The following PLXNC1 variants were observed in gnomAD, a reference collection of about 807,000 sequenced individuals.
PLXNC1 encodes plexin-C1.
Under a neutral mutation model 178.2 loss-of-function variants are expected in PLXNC1, and 75 were observed. That is an observed-to-expected ratio of 0.42 (90% CI 0.35 to 0.51). The LOEUF (loss-of-function observed/expected upper bound fraction) is 0.51. PLXNC1 is among the 20% of genes least tolerant of loss of function. The pLI is 0.02. For synonymous variants in PLXNC1, 790 were observed against 779.9 expected (o/e 1.01, Z -0.22); for missense variants, 1,503 against 1,984.4 (o/e 0.76, Z 4.61).
intron 3 of PLXNC1, among the ~76,000 whole-genome samples, chr12:94,182,600 C>T (rs1962350398): frequency 6.6e-6 from 1 of 151,570 alleles, no homozygotes; most frequent in Non-Finnish European, 1.5e-5. Flanking sequence ...TGGTGCATGC[C>T]TGTAATCCCA....
At chr12:94,299,041 C>CTA (rs2136221208) in intron 27 of PLXNC1, among the ~76,000 whole-genome samples, 1 of 152,208 alleles carries the variant, frequency 6.6e-6, no homozygotes, top group African/African-American at 2.4e-5. Flanking sequence ...GATACTTTGT[C>CTA]TAGAATGTTA....
At chr12:94,214,049 T>G (rs1177359500) in intron 5 of PLXNC1, among the ~76,000 whole-genome samples, 1 of 151,660 alleles carries the variant, frequency 6.6e-6, no homozygotes, top group Non-Finnish European at 1.5e-5. Flanking sequence ...ATAAAAGTAT[T>G]CCTTAAACAA....
At chr12:94,241,989 AG>A (rs63127962) in intron 11 of PLXNC1, among the ~76,000 whole-genome samples, 21,355 of 146,886 alleles carry the variant, frequency 0.15, 1,586 homozygotes, top group Middle Eastern at 0.19. Flanking sequence ...AAAAAAAAAA[AG>A]AAGAAGAAGA....
intron 21 of PLXNC1, among the ~76,000 whole-genome samples, chr12:94,275,942 G>A (rs1254472318): frequency 6.7e-6 from 1 of 149,702 alleles, no homozygotes; most frequent in East Asian, 2.0e-4. Context: ...ATCAATTTAT[G>A]TCTGAATTTA....
intron 8 of PLXNC1, 38 bp downstream of exon 8, chr12:94,226,745 C>A: frequency 1.4e-6 from 2 of 1,423,146 alleles, no homozygotes; most frequent in South Asian, 1.1e-5. Flanking sequence ...TCTTAACCGC[C>A]GGGCATGGTG....
intron 23 of PLXNC1, among the ~76,000 whole-genome samples, chr12:94,293,005 T>G (rs964374285): frequency 2.0e-5 from 3 of 152,230 alleles, no homozygotes; most frequent in African/African-American, 4.8e-5. Flanking sequence ...TCACTACCGC[T>G]GCTCTCTTCT....
intron 26 of PLXNC1, among the ~76,000 whole-genome samples, chr12:94,297,843 T>C (rs1968083281): frequency 6.6e-6 from 1 of 152,244 alleles, no homozygotes; most frequent in Admixed American, 6.5e-5. Flanking sequence ...AATTTTTGTT[T>C]TTCATTTTAA....
intron 9 of PLXNC1, among the ~76,000 whole-genome samples, chr12:94,232,892 G>A (rs1418086830): frequency 6.6e-6 from 1 of 151,824 alleles, no homozygotes; most frequent in East Asian, 1.9e-4. Flanking sequence ...TAAGAAATAT[G>A]AATCCAGGCA....
chr12:94,301,205 T>A, intron 28 of PLXNC1, 148 bp downstream of exon 28: 1 of 550,040 alleles, frequency 1.8e-6, no homozygotes, highest in Non-Finnish European at 3.0e-6. Context: ...TGCTGTTATT[T>A]AAAATCTGTC....
chr12:94,266,248 G>A (rs117883626), intron 21 of PLXNC1, among the ~76,000 whole-genome samples: 3 of 152,300 alleles, frequency 2.0e-5, no homozygotes, highest in Non-Finnish European at 4.4e-5. Context: ...ATAGTCCGTA[G>A]GTCAGCTGTT....
chr12:94,199,952 GC>G (rs1963060134), intron 4 of PLXNC1, among the ~76,000 whole-genome samples: 1 of 152,162 alleles, frequency 6.6e-6, no homozygotes, highest in South Asian at 2.1e-4. Flanking sequence ...GTGCCACCAT[GC>G]TCGCCTAATT....
intron 9 of PLXNC1, among the ~76,000 whole-genome samples, chr12:94,236,918 A>T (rs916655098): frequency 6.6e-6 from 1 of 151,226 alleles, no homozygotes; most frequent in African/African-American, 2.4e-5. Flanking sequence ...CTTTTTTTTT[A>T]AAGGGAGAAT....
chr12:94,206,541 T>C (rs936573682), intron 4 of PLXNC1, among the ~76,000 whole-genome samples: 4 of 152,064 alleles, frequency 2.6e-5, no homozygotes, highest in Admixed American at 2.6e-4. Flanking sequence ...GGGCAGGTTC[T>C]GTATTCTAAT....
chr12:94,278,083 C>A, intron 21 of PLXNC1: 1 of 455,874 alleles, frequency 2.2e-6, no homozygotes, highest in Non-Finnish European at 4.4e-6. Flanking sequence ...TCTGTATGGG[C>A]GAGCATCTTC....
At chr12:94,228,617 C>G (rs1964010732) in intron 9 of PLXNC1, among the ~76,000 whole-genome samples, 2 of 152,084 alleles carry the variant, frequency 1.3e-5, no homozygotes, top group Admixed American at 6.6e-5. Flanking sequence ...TTTTTTGTCT[C>G]TATGAATTTG....
chr12:94,261,208 C>T (rs1964980969), intron 20 of PLXNC1, among the ~76,000 whole-genome samples: 1 of 152,152 alleles, frequency 6.6e-6, no homozygotes, highest in Non-Finnish European at 1.5e-5. Flanking sequence ...GTAGAAATAC[C>T]CGTTGCCTAC....
intron 17 of PLXNC1, among the ~76,000 whole-genome samples, chr12:94,258,951 TAAC>T (rs1231607115): frequency 1.3e-5 from 2 of 152,218 alleles, no homozygotes; most frequent in Non-Finnish European, 2.9e-5. Flanking sequence ...TTGTAAAACT[TAAC>T]AACGTAATTT....
chr12:94,262,410 C>T (rs1965015775), intron 20 of PLXNC1: 2 of 818,712 alleles, frequency 2.4e-6, no homozygotes, highest in Non-Finnish European at 2.9e-6. Context: ...TGATTCTTAA[C>T]TCTGAGCTTT....
chr12:94,257,527 A>C (rs1361477409), intron 17 of PLXNC1, among the ~76,000 whole-genome samples: 2 of 152,136 alleles, frequency 1.3e-5, no homozygotes, highest in East Asian at 3.8e-4. Flanking sequence ...TAATCCCAGC[A>C]CTTTGGGAGG....
Sources: gnomAD v4.1 joint callset for allele counts (sites outside exome capture counted in the v4.1 genomes callset) on GRCh38, gnomAD v4.1.1 for gene constraint, MANE v1.5 for transcripts, NCBI Gene and HGNC (gene_info 2026-07-23, HGNC 2026-07-21) for gene names.